The following MYO16 variants were observed in gnomAD, a reference collection of about 807,000 sequenced individuals.
MYO16 encodes the protein myosin XVI, also known as unconventional myosin-XVI.
MYO16 carries 94 observed loss-of-function variants against 205.3 expected under a neutral mutation model. The ratio of observed to expected loss-of-function variants is 0.46; its 90% CI spans 0.39 to 0.54. The LOEUF (loss-of-function observed/expected upper bound fraction) is 0.54, where lower values mean the gene tolerates loss of function less well. Ranked by LOEUF, MYO16 falls within the 20% of genes least tolerant of loss-of-function variation. The pLI, the probability that MYO16 is intolerant of heterozygous loss-of-function variation, is 0.00. For missense variants in MYO16, 2,315 were observed against 2,387.5 expected, an observed-to-expected ratio of 0.97 and a Z score of 0.63; for synonymous variants, 988 against 954.0, an observed-to-expected ratio of 1.04 and a Z score of -0.66.
chr13:108,784,868 T>G (rs1886410415), intron 4 of MYO16, among the ~76,000 whole-genome samples: 1 of 152,152 alleles, frequency 6.6e-6, no homozygotes, highest in Non-Finnish European at 1.5e-5. Flanking sequence ...TTTATGGAGC[T>G]CATTAGGGAA....
At chr13:108,808,533 G>C (rs2116249) in intron 7 of MYO16, among the ~76,000 whole-genome samples, 3 of 151,468 alleles carry the variant, frequency 2.0e-5, no homozygotes, top group African/African-American at 7.3e-5. Flanking sequence ...GGCTGGTCTC[G>C]AACTCCTGAC....
intron 27 of MYO16, among the ~76,000 whole-genome samples, chr13:109,069,332 A>C (rs1349794096): frequency 6.6e-6 from 1 of 152,204 alleles, no homozygotes; most frequent in Non-Finnish European, 1.5e-5. Context: ...ATTGTCCCCA[A>C]ATCATCCTTT....
At chr13:109,037,354 CTTCTT>C (rs1886750131) in intron 23 of MYO16, among the ~76,000 whole-genome samples, 1 of 152,116 alleles carries the variant, frequency 6.6e-6, no homozygotes, top group Non-Finnish European at 1.5e-5. Flanking sequence ...TCTAGGGAGA[CTTCTT>C]TTCTTAGGAA....
At chr13:108,794,524 C>T (rs1886724307) in intron 6 of MYO16, among the ~76,000 whole-genome samples, 1 of 152,142 alleles carries the variant, frequency 6.6e-6, no homozygotes. Flanking sequence ...GTAAAACAAA[C>T]TATGGATGAC....
intron 3 of MYO16, among the ~76,000 whole-genome samples, chr13:108,721,612 G>T (rs1429323013): frequency 6.6e-6 from 1 of 152,208 alleles, no homozygotes; most frequent in African/African-American, 2.4e-5. Context: ...AGAGAAGAGT[G>T]ACCAGGTTGG....
At chr13:108,961,748 T>G in intron 18 of MYO16, 92 bp downstream of exon 18, 1 of 1,028,180 alleles carries the variant, frequency 9.7e-7, no homozygotes, top group Non-Finnish European at 1.5e-6. Flanking sequence ...GAAAAGCCAG[T>G]TGGCTTAAAC....
At chr13:108,939,954 A>G (rs1185294912) in intron 16 of MYO16, among the ~76,000 whole-genome samples, 1 of 152,188 alleles carries the variant, frequency 6.6e-6, no homozygotes, top group Non-Finnish European at 1.5e-5. Context: ...TGTCCTAGGC[A>G]TGTTGCAGTA....
chr13:108,792,257 C>T (rs1233252013), intron 5 of MYO16, among the ~76,000 whole-genome samples: 1 of 152,136 alleles, frequency 6.6e-6, no homozygotes, highest in African/African-American at 2.4e-5. Flanking sequence ...TATTAGTTAT[C>T]TTTATTAACA....
In MYO16 at chr13:108,733,090, TA is replaced by T. The variant is rs1396352245; in HGVS notation, c.507+5508del. Among the ~76,000 whole-genome samples, 3 of 152,204 alleles carry T rather than the reference TA, an allele frequency of 2.0e-5. No individual in the cohort carries two copies. The East Asian group carries it at 5.8e-4, about 29-fold the overall frequency. On this transcript the variant is annotated intron_variant, in intron 4 of 34. Coordinates refer to ENST00000457511, the MANE Select transcript of MYO16 (RefSeq NM_001198950.3). ...AGGAAGTCATCCATAAAAATAATTT[TA>T]TTGATTTGTGAGGTGATTTATTCTG...
chr13:108,693,949 G>T (rs918553731), intron 2 of MYO16, among the ~76,000 whole-genome samples: 3 of 152,162 alleles, frequency 2.0e-5, no homozygotes, highest in Admixed American at 1.3e-4. Flanking sequence ...TTATAAGTGA[G>T]AATATGTGGT....
intron 20 of MYO16, among the ~76,000 whole-genome samples, chr13:108,976,239 T>C (rs1256222366): frequency 6.6e-6 from 1 of 152,174 alleles, no homozygotes; most frequent in Non-Finnish European, 1.5e-5. Flanking sequence ...ATATGACATA[T>C]TTAACATCTC....
chr13:108,496,300 G>A, the MYO16 span, among the ~76,000 whole-genome samples: 1 of 152,246 alleles, frequency 6.6e-6, no homozygotes, highest in Non-Finnish European at 1.5e-5. Context: ...CCCGTTGCTA[G>A]GGGAGATGGG....
At chr13:108,603,820 A>G (rs769374337) in intron 1 of MYO16, among the ~76,000 whole-genome samples, 6 of 152,160 alleles carry the variant, frequency 3.9e-5, no homozygotes, top group Non-Finnish European at 5.9e-5. Context: ...ACTCTTTTCC[A>G]AATCTTTTTT....
At chr13:109,136,054 T>A (rs1482904144) in intron 31 of MYO16, among the ~76,000 whole-genome samples, 1 of 151,692 alleles carries the variant, frequency 6.6e-6, no homozygotes, top group African/African-American at 2.4e-5. Context: ...TTTCTTTCTT[T>A]CTCCTTCCTT....
rs754735240 is a variant in MYO16 at position 109,207,410 on chromosome 13, TA to T, written c.*575del. 7.9e-5 allele frequency: 12 copies of T among 152,346 alleles called. No homozygotes were observed. The highest frequency in any genetic ancestry group is 1.4e-4 in the African/African-American group (6 of 41,578). The allele number at this position is 152,346 out of a possible 1,614,324, so 9.4% of individuals were successfully genotyped here. A position where few individuals can be genotyped will look rare whatever the true frequency, so the allele number is the denominator to read the frequency against. Reference sequence around the variant, plus strand: ...AGATTTTAAAAAATCATTTCTAGATTATTTTTTTCCTCCACAGTCCTTTTTT... The same window carrying T: ...AGATTTTAAAAAATCATTTCTAGATTTTTTTTTCCTCCACAGTCCTTTTTT... On this transcript the variant is annotated 3_prime_UTR_variant, in exon 35 of 35. Coordinates refer to ENST00000457511, the MANE Select transcript of MYO16 (RefSeq NM_001198950.3).
chr13:108,823,212 C>T lies in MYO16; in HGVS notation c.1031C>T (p.Ser344Phe), dbSNP rs758806839. 4.3e-6 allele frequency: 7 copies of T among 1,613,268 alleles called. No individual in the cohort carries two copies. In the Admixed American group the frequency reaches 1.2e-4, roughly 27 times the overall value. Residue 344 changes from serine to phenylalanine, a missense_variant, in exon 9 of 35, where the codon TCT becomes TTT. This residue lies in a region of MYO16 where 1,213 missense variants were observed against 1,274.4 expected (regional missense o/e 0.95). Transcript: ENST00000457511. ...EEKMKEPLSA[S>F]TLAQEEPYEE... The stretch of plus-strand genomic sequence containing the variant: ...AAAATGAAAGAGCCTTTATCTGCTT[C>T]TACCTTAGCTCAAGAAGAGCCCTAT...
the MYO16 span, among the ~76,000 whole-genome samples, chr13:108,500,446 T>C: frequency 2.0e-5 from 3 of 151,722 alleles, no homozygotes; most frequent in Non-Finnish European, 4.4e-5. Flanking sequence ...GCCAGGCTGG[T>C]CTTGAACTCC....
the MYO16 span, among the ~76,000 whole-genome samples, chr13:108,568,621 A>G: frequency 6.6e-6 from 1 of 152,020 alleles, no homozygotes; most frequent in African/African-American, 2.4e-5. Flanking sequence ...ATTTTCTTCC[A>G]TGGTGTGGGT....
At chr13:108,723,736 T>A (rs1884244180) in intron 3 of MYO16, among the ~76,000 whole-genome samples, 1 of 152,230 alleles carries the variant, frequency 6.6e-6, no homozygotes, top group Admixed American at 6.5e-5. Context: ...TAACAAGTCT[T>A]GAAATTAGTT....
Sources: gnomAD v4.1 joint callset for allele counts (sites outside exome capture counted in the v4.1 genomes callset) on GRCh38, gnomAD v4.1.1 for gene constraint, gnomAD v4.1.1 regional missense constraint, MANE v1.5 for transcripts, NCBI Gene and HGNC (gene_info 2026-07-23, HGNC 2026-07-21) for gene names.